Variants in SPHKAP observed in about 807,000 individuals in gnomAD.
SPHKAP encodes the protein SPHK1 interactor, AKAP domain containing.
Under a neutral mutation model 137.5 loss-of-function variants are expected in SPHKAP, and 67 were observed. The ratio of observed to expected loss-of-function variants is 0.49; its 90% CI spans 0.40 to 0.60. The LOEUF (loss-of-function observed/expected upper bound fraction) is 0.60, where lower values mean the gene tolerates loss of function less well. Ranked by LOEUF, SPHKAP falls within the 20% of genes least tolerant of loss-of-function variation. The pLI is 0.00. For synonymous variants in SPHKAP, 813 were observed against 785.3 expected (o/e 1.04, Z -0.59); for missense variants, 2,097 against 2,069.3 (o/e 1.01, Z -0.26).
At chr2:228,097,804 G>T (rs1698035093) in intron 3 of SPHKAP, among the ~76,000 whole-genome samples, 1 of 152,166 alleles carries the variant, frequency 6.6e-6, no homozygotes, top group Admixed American at 6.5e-5. Flanking sequence ...TATCTGCAAA[G>T]AACATGATTT....
At chr2:228,138,122 C>G (rs1421582580) in intron 1 of SPHKAP, among the ~76,000 whole-genome samples, 1 of 152,148 alleles carries the variant, frequency 6.6e-6, no homozygotes, top group African/African-American at 2.4e-5. Flanking sequence ...TTCTCACATC[C>G]AAATATCTGA....
chr2:228,036,852 G>C (rs550808887), intron 3 of SPHKAP, among the ~76,000 whole-genome samples: 1 of 151,800 alleles, frequency 6.6e-6, no homozygotes, highest in South Asian at 2.1e-4. Flanking sequence ...ATGGGCACAG[G>C]AAGGGGAACA....
chr2:228,064,072 G>A (rs984835351), intron 3 of SPHKAP, among the ~76,000 whole-genome samples: 7 of 152,130 alleles, frequency 4.6e-5, no homozygotes, highest in Non-Finnish European at 8.8e-5. Context: ...TTTAAATTGG[G>A]AAGGAAGAAC....
intron 3 of SPHKAP, among the ~76,000 whole-genome samples, chr2:228,031,482 A>G (rs567499217): frequency 1.3e-5 from 2 of 152,304 alleles, no homozygotes; most frequent in South Asian, 4.1e-4. Flanking sequence ...ACCTCTGCAG[A>G]CTTAAATGTC....
chr2:228,172,456 G>A (rs145385975), intron 1 of SPHKAP, among the ~76,000 whole-genome samples: 218 of 152,180 alleles, frequency 1.4e-3, no homozygotes, highest in African/African-American at 4.8e-3. Context: ...CAACTTCATC[G>A]TCATATCAAT....
chr2:228,127,879 G>A (rs1699126533), intron 2 of SPHKAP, among the ~76,000 whole-genome samples: 1 of 152,092 alleles, frequency 6.6e-6, no homozygotes, highest in South Asian at 2.1e-4. Context: ...CTATATTGTA[G>A]TCTATTAAGT....
intron 9 of SPHKAP, among the ~76,000 whole-genome samples, chr2:227,992,668 T>G (rs1404256095): frequency 6.6e-6 from 1 of 152,214 alleles, no homozygotes; most frequent in Admixed American, 6.5e-5. Flanking sequence ...TCATCTCTAC[T>G]TGTGAATAAT....
rs1253730184 is a variant in SPHKAP, at chr2:228,017,181, ACAG to A, written c.3670_3672del (p.Leu1224del). On this transcript the variant is annotated inframe_deletion, in exon 7 of 12. Transcript: ENST00000392056. ...CACACTGGGGATCGCAGAGAAGGAG[ACAG>A]CAGGCCGGCTGTCCAATCCTGGCTG... The A allele has an allele frequency of 6.2e-6, 10 of 1,613,724 alleles. No individual in the cohort carries two copies. The highest frequency in any genetic ancestry group is 8.5e-6 in the Non-Finnish European group (10 of 1,179,984).
chr2:228,076,896 A>G (rs772846338), intron 3 of SPHKAP, among the ~76,000 whole-genome samples: 1 of 152,144 alleles, frequency 6.6e-6, no homozygotes, highest in Non-Finnish European at 1.5e-5. Flanking sequence ...AGTCCCTCCT[A>G]TCACAGACCC....
chr2:228,083,028 C>T (rs997804766), intron 3 of SPHKAP, among the ~76,000 whole-genome samples: 7 of 152,220 alleles, frequency 4.6e-5, no homozygotes, highest in Admixed American at 2.6e-4. Context: ...TGAGGAAGCT[C>T]ATTACTTCAT....
Position 228,043,278 on chromosome 2 carries a change from G to A in SPHKAP, c.247-15735C>T, listed in dbSNP as rs570917054. Among the ~76,000 whole-genome samples the A allele has an allele frequency of 7.2e-5, 11 of 152,220 alleles. No individual in the cohort carries two copies. The East Asian group carries it at 1.9e-3, about 27-fold the overall frequency. On this transcript the variant is annotated intron_variant, in intron 3 of 11. Transcript: ENST00000392056. ...AACACAATGTATGAAAGGATATATA[G>A]GCTAGCTTTAATTTAAACATTTAAA...
chr2:228,146,682 C>G (rs1464341464), intron 1 of SPHKAP, among the ~76,000 whole-genome samples: 1 of 152,200 alleles, frequency 6.6e-6, no homozygotes, highest in Non-Finnish European at 1.5e-5. Context: ...TATTAGTTTG[C>G]TAAGGATAAT....
intron 3 of SPHKAP, among the ~76,000 whole-genome samples, chr2:228,044,077 T>C (rs1695943935): frequency 6.6e-6 from 1 of 152,186 alleles, no homozygotes; most frequent in Non-Finnish European, 1.5e-5. Flanking sequence ...ACATCTAACA[T>C]TCATCTCTCA....
intron 7 of SPHKAP, among the ~76,000 whole-genome samples, chr2:228,006,358 A>C (rs565001678): frequency 2.6e-5 from 4 of 152,224 alleles, no homozygotes; most frequent in South Asian, 4.1e-4. Flanking sequence ...TGCATTCATC[A>C]TGTAATTCTC....
At chr2:228,131,320 A>G in intron 2 of SPHKAP, 1 of 985,220 alleles carries the variant, frequency 1.0e-6, no homozygotes. Context: ...CTTCCCTGGA[A>G]TTCAGCAGCA....
At chr2:228,135,889 A>G (rs1302809033) in intron 1 of SPHKAP, among the ~76,000 whole-genome samples, 1 of 152,188 alleles carries the variant, frequency 6.6e-6, no homozygotes, top group Non-Finnish European at 1.5e-5. Flanking sequence ...TATCACTTTA[A>G]TGATGCCTAA....
chr2:227,990,299 A>T (rs12617303), intron 11 of SPHKAP, among the ~76,000 whole-genome samples: 71,506 of 152,062 alleles, frequency 0.47, 17,204 homozygotes, highest in East Asian at 0.66. Context: ...ACAGTTTGTT[A>T]CACAGCAATA....
At chr2:228,167,209 A>T (rs1441204570) in intron 1 of SPHKAP, among the ~76,000 whole-genome samples, 1 of 152,202 alleles carries the variant, frequency 6.6e-6, no homozygotes, top group Non-Finnish European at 1.5e-5. Context: ...TGAATAGTGA[A>T]TCTCTTTCTT....
At chr2:228,078,739 C>A (rs776885425) in intron 3 of SPHKAP, among the ~76,000 whole-genome samples, 2 of 152,146 alleles carry the variant, frequency 1.3e-5, no homozygotes, top group Non-Finnish European at 2.9e-5. Context: ...GTAGGAAGGA[C>A]AGTGTGACAT....
Sources: gnomAD v4.1 joint callset for allele counts (sites outside exome capture counted in the v4.1 genomes callset) on GRCh38, gnomAD v4.1.1 for gene constraint, MANE v1.5 for transcripts, NCBI Gene and HGNC (gene_info 2026-07-23, HGNC 2026-07-21) for gene names.